The following PTPRD variants were observed in gnomAD, a reference collection of about 807,000 sequenced individuals.
PTPRD encodes protein tyrosine phosphatase receptor type D.
In PTPRD, 34 loss-of-function variants were observed where a neutral mutation model predicts 214.5. That is an observed-to-expected ratio of 0.16 (90% confidence interval 0.12 to 0.21). The LOEUF (loss-of-function observed/expected upper bound fraction) is 0.21, where lower values mean the gene tolerates loss of function less well. PTPRD is among the 10% of genes least tolerant of loss of function. PTPRD has a pLI of 1.00. For synonymous variants in PTPRD, 1,128 were observed against 845.7 expected (o/e 1.33, Z -5.79); for missense variants, 2,545 against 2,398.7 (o/e 1.06, Z -1.27).
chr9:9,545,893 A>C (rs973439996), intron 8 of PTPRD, among the ~76,000 whole-genome samples: 1 of 151,812 alleles, frequency 6.6e-6, no homozygotes, highest in Non-Finnish European at 1.5e-5. Flanking sequence ...TAGAAAAAAC[A>C]ACTTGAATAT....
chr9:10,019,979 A>T (rs1046470231), intron 4 of PTPRD, among the ~76,000 whole-genome samples: 4 of 152,184 alleles, frequency 2.6e-5, no homozygotes, highest in South Asian at 4.1e-4. Flanking sequence ...ATTCATATAC[A>T]GGTTAATGTA....
chr9:10,501,966 T>G (rs936311892), intron 2 of PTPRD, among the ~76,000 whole-genome samples: 6 of 151,966 alleles, frequency 3.9e-5, no homozygotes, highest in Admixed American at 2.0e-4. Flanking sequence ...GACATCATTA[T>G]GTTTTTAAAG....
At chr9:10,237,198 C>G (rs773491236) in intron 3 of PTPRD, among the ~76,000 whole-genome samples, 8 of 151,708 alleles carry the variant, frequency 5.3e-5, no homozygotes, top group Non-Finnish European at 1.2e-4. Flanking sequence ...TATTGGGAAT[C>G]TTTGTACCAT....
chr9:10,318,605 A>T (rs995180932), intron 3 of PTPRD, among the ~76,000 whole-genome samples: 1 of 151,836 alleles, frequency 6.6e-6, no homozygotes, highest in African/African-American at 2.4e-5. Context: ...GAGTTCGTTT[A>T]TATTTATTTA....
chr9:9,386,491 A>C (rs562598651), intron 9 of PTPRD, among the ~76,000 whole-genome samples: 1 of 152,318 alleles, frequency 6.6e-6, no homozygotes, highest in Non-Finnish European at 1.5e-5. Context: ...TCAACAGGGC[A>C]GTGGTGAGAC....
intron 2 of PTPRD, among the ~76,000 whole-genome samples, chr9:10,418,974 G>T (rs1053112788): frequency 8.6e-5 from 13 of 151,744 alleles, no homozygotes; most frequent in Admixed American, 1.3e-4. Flanking sequence ...CTTGGCATCT[G>T]TTTTTCCCCA....
intron 3 of PTPRD, among the ~76,000 whole-genome samples, chr9:10,124,185 T>C (rs60922116): frequency 0.046 from 6,995 of 152,262 alleles, 542 homozygotes; most frequent in African/African-American, 0.16. Flanking sequence ...ATATCATTTG[T>C]TATACTGTAA....
At chr9:9,305,876 G>A (rs1007677764) in intron 9 of PTPRD, among the ~76,000 whole-genome samples, 11 of 152,102 alleles carry the variant, frequency 7.2e-5, no homozygotes, top group African/African-American at 2.7e-4. Flanking sequence ...ACCAAGAGAG[G>A]CAGGAAGAAT....
intron 8 of PTPRD, among the ~76,000 whole-genome samples, chr9:9,479,223 C>CCAT (rs766455116): frequency 6.3e-5 from 1 of 15,994 alleles, no homozygotes; most frequent in African/African-American, 2.1e-4. Flanking sequence ...ACGCCCCCCC[C>CCAT]CCCCCCACAC....
chr9:10,096,440 G>A (rs1352585520), intron 3 of PTPRD, among the ~76,000 whole-genome samples: 14 of 151,850 alleles, frequency 9.2e-5, no homozygotes, highest in Non-Finnish European at 1.2e-4. Flanking sequence ...TCTAACTGGC[G>A]TGAGATGGTA....
At chr9:9,506,902 A>G (rs1246962297) in intron 8 of PTPRD, among the ~76,000 whole-genome samples, 1 of 151,442 alleles carries the variant, frequency 6.6e-6, no homozygotes, top group Non-Finnish European at 1.5e-5. Flanking sequence ...GAAAGCAATA[A>G]TGATTATGTT....
intron 37 of PTPRD, among the ~76,000 whole-genome samples, chr9:8,387,935 C>T (rs2087790435): frequency 6.6e-6 from 1 of 152,098 alleles, no homozygotes; most frequent in South Asian, 2.1e-4. Context: ...AGTAACAAAT[C>T]CATTTACATC....
intron 7 of PTPRD, among the ~76,000 whole-genome samples, chr9:9,721,398 T>C (rs2097941611): frequency 6.6e-6 from 1 of 152,150 alleles, no homozygotes; most frequent in African/African-American, 2.4e-5. Context: ...GAAAATAGTC[T>C]TGCTCCTTTG....
intron 2 of PTPRD, among the ~76,000 whole-genome samples, chr9:10,401,717 AATT>A (rs1426225927): frequency 2.0e-5 from 3 of 150,302 alleles, no homozygotes; most frequent in Non-Finnish European, 4.5e-5. Flanking sequence ...TATAAAAAAT[AATT>A]ATCATCTAGA....
At chr9:10,051,623 C>G (rs2097537186) in intron 3 of PTPRD, among the ~76,000 whole-genome samples, 2 of 151,786 alleles carry the variant, frequency 1.3e-5, no homozygotes, top group Admixed American at 6.6e-5. Flanking sequence ...ACAACAGTCC[C>G]CGGTGTGTGA....
chr9:8,486,588 AAAC>A (rs2097019087), intron 27 of PTPRD: 1 of 657,336 alleles, frequency 1.5e-6, no homozygotes, highest in African/African-American at 1.8e-5. Flanking sequence ...ATTATCATTG[AAAC>A]AACAGCTTAA....
At chr9:8,657,802 T>G (rs1172165815) in intron 12 of PTPRD, among the ~76,000 whole-genome samples, 1 of 152,206 alleles carries the variant, frequency 6.6e-6, no homozygotes, top group Non-Finnish European at 1.5e-5. Flanking sequence ...GGGTTTTTTT[T>G]AAAGGCACAC....
intron 35 of PTPRD, among the ~76,000 whole-genome samples, chr9:8,433,310 C>G (rs1379394041): frequency 6.6e-6 from 1 of 152,204 alleles, no homozygotes; most frequent in Admixed American, 6.5e-5. Context: ...CAATTAGGTA[C>G]AGTACATAAT....
chr9:10,048,725 C>G (rs1455237827), intron 3 of PTPRD, among the ~76,000 whole-genome samples: 1 of 152,018 alleles, frequency 6.6e-6, no homozygotes, highest in Non-Finnish European at 1.5e-5. Flanking sequence ...CCTCTTAGCT[C>G]CTTATCAACC....
Sources: allele counts gnomAD v4.1 joint callset (sites outside exome capture counted in the v4.1 genomes callset), GRCh38; gene constraint gnomAD v4.1.1; transcripts MANE v1.5; gene names NCBI Gene and HGNC (gene_info 2026-07-23, HGNC 2026-07-21).